ST3GAL3: variants seen among roughly 807,000 people sequenced by gnomAD.
ST3GAL3 encodes ST3 beta-galactoside alpha-2,3-sialyltransferase 3, also known as CMP-N-acetylneuraminate-beta-1,4-galactoside alpha-2,3-sialyltransferase.
A neutral mutation model predicts 50.1 loss-of-function variants in ST3GAL3; 21 were observed. That is an observed-to-expected ratio of 0.42 (90% CI 0.30 to 0.60). ST3GAL3 has a LOEUF of 0.60. ST3GAL3 is among the 20% of genes least tolerant of loss of function. The pLI is 0.19. For synonymous variants in ST3GAL3, 183 were observed against 190.0 expected, an observed-to-expected ratio of 0.96 and a Z score of 0.30; for missense variants, 353 against 489.4, an observed-to-expected ratio of 0.72 and a Z score of 2.63.
chr1:43,838,235 A>G lies in ST3GAL3; in HGVS notation c.226A>G (p.Thr76Ala). ...TTCCCATAGGCCTGCTGAATTAGCCACCAAGTACGCAAACTTTTCAGAGGG... is the reference window on the plus strand; with the variant it reads ...TTCCCATAGGCCTGCTGAATTAGCCGCCAAGTACGCAAACTTTTCAGAGGG... ...LDSKLPAELA[T>A]KYANFSEGAC... The change falls in exon 5 of 12, where the codon ACC (threonine) becomes GCC (alanine). Residue 76 changes from threonine (T) to alanine (A), a missense_variant. Physicochemically the swap from Thr to Ala is moderately conservative, Grantham distance 58. Transcript: ENST00000347631. 1 of 1,612,770 alleles carries G rather than the reference A, an allele frequency of 6.2e-7. No homozygotes were observed. The highest frequency in any genetic ancestry group is 8.5e-7 in the Non-Finnish European group (1 of 1,179,338).
chr1:43,762,362 C>G (rs1171985194), intron 2 of ST3GAL3, among the ~76,000 whole-genome samples: 1 of 151,892 alleles, frequency 6.6e-6, no homozygotes, highest in African/African-American at 2.4e-5. Flanking sequence ...TATTTAGTCT[C>G]TGATGTTTTA....
rs184396803 is a variant in ST3GAL3, at chr1:43,823,099, C to T, written c.209+8166C>T. Among the ~76,000 whole-genome samples, 208 of 152,240 alleles carry T rather than the reference C, an allele frequency of 1.4e-3. 1 individual carries two copies. Among genetic ancestry groups the T allele is most frequent in the Middle Eastern group, 0.014 (4 of 294 alleles). On this transcript the variant is annotated intron_variant, in intron 4 of 11. Coordinates refer to ENST00000347631, the MANE Select transcript of ST3GAL3 (RefSeq NM_006279.5). ...CCTCTGTATCATCACTCTGTCCAAA[C>T]CACCATCTCTCACCTAATTTTTGCA...
chr1:43,843,881 A>G (rs2065816895), intron 5 of ST3GAL3, among the ~76,000 whole-genome samples: 1 of 152,198 alleles, frequency 6.6e-6, no homozygotes, highest in African/African-American at 2.4e-5. Context: ...CAGATCCCAC[A>G]GGTTGACGGC....
At chr1:43,761,827 T>A (rs948765456) in intron 2 of ST3GAL3, among the ~76,000 whole-genome samples, 1 of 151,212 alleles carries the variant, frequency 6.6e-6, no homozygotes, top group African/African-American at 2.4e-5. Flanking sequence ...GGTGGGCGCC[T>A]GTAGTCCCAG....
At chr1:43,898,440 T>A in intron 7 of ST3GAL3, 142 bp downstream of exon 7, 3 of 869,574 alleles carry the variant, frequency 3.4e-6, no homozygotes, top group Non-Finnish European at 5.6e-6. Flanking sequence ...ACAGGGTGGG[T>A]GGAGCAGGTA....
At chr1:43,917,691 CAG>C (rs2082306333) in intron 9 of ST3GAL3, among the ~76,000 whole-genome samples, 3 of 114,948 alleles carry the variant, frequency 2.6e-5, no homozygotes, top group Admixed American at 1.2e-4. Context: ...ATATTTTAAA[CAG>C]AGTCTCACTC....
At chr1:43,733,252 C>T (rs189069880) in intron 1 of ST3GAL3, among the ~76,000 whole-genome samples, 6 of 152,294 alleles carry the variant, frequency 3.9e-5, no homozygotes, top group Admixed American at 2.6e-4. Flanking sequence ...CCTCCTACTT[C>T]GGCCTCTCAG....
intron 5 of ST3GAL3, among the ~76,000 whole-genome samples, chr1:43,893,234 G>A (rs1422655330): frequency 1.3e-5 from 2 of 152,224 alleles, no homozygotes; most frequent in African/African-American, 4.8e-5. Flanking sequence ...TCTGGGCTTG[G>A]AGGGCCACCC....
At chr1:43,878,728 G>A (rs1225748906) in intron 5 of ST3GAL3, among the ~76,000 whole-genome samples, 1 of 152,166 alleles carries the variant, frequency 6.6e-6, no homozygotes, top group East Asian at 1.9e-4. Flanking sequence ...TTGCCCATGT[G>A]GAAATATTGA....
chr1:43,816,372 G>A (rs568888613), intron 4 of ST3GAL3, among the ~76,000 whole-genome samples: 1 of 152,270 alleles, frequency 6.6e-6, no homozygotes, highest in East Asian at 1.9e-4. Flanking sequence ...CAACTATGAA[G>A]GAAAAAGTGT....
At chr1:43,780,736 A>G (rs1169598473) in intron 2 of ST3GAL3, among the ~76,000 whole-genome samples, 1 of 151,756 alleles carries the variant, frequency 6.6e-6, no homozygotes, top group East Asian at 1.9e-4. Context: ...TCACCTCACC[A>G]AATATATTTT....
chr1:43,788,481 C>CTT (rs888207961), intron 2 of ST3GAL3, among the ~76,000 whole-genome samples: 1 of 152,260 alleles, frequency 6.6e-6, no homozygotes, highest in South Asian at 2.1e-4. Flanking sequence ...TGCGGAGACT[C>CTT]TTTGTGTGAG....
intron 1 of ST3GAL3, chr1:43,719,223 T>C (rs1441511728): frequency 6.6e-6 from 1 of 152,206 alleles, no homozygotes; most frequent in Non-Finnish European, 1.5e-5. Flanking sequence ...GGCGTAATGC[T>C]AGATTGGCTA....
At chr1:43,752,694 G>T (rs1220079244) in intron 2 of ST3GAL3, among the ~76,000 whole-genome samples, 2 of 152,176 alleles carry the variant, frequency 1.3e-5, no homozygotes, top group Non-Finnish European at 2.9e-5. Context: ...GTAGGAGTGG[G>T]TCTCACCATG....
intron 4 of ST3GAL3, among the ~76,000 whole-genome samples, chr1:43,829,765 G>A (rs1487539496): frequency 3.3e-5 from 5 of 152,004 alleles, no homozygotes; most frequent in African/African-American, 9.7e-5. Context: ...TAAATTGTCT[G>A]CCTCCTCCAT....
In ST3GAL3 at chr1:43,818,975, TTCTG is replaced by T. The variant is rs2061745642; in HGVS notation, c.209+4045_209+4048del. On this transcript the variant is annotated intron_variant, in intron 4 of 11. Coordinates refer to ENST00000347631, the MANE Select transcript of ST3GAL3 (RefSeq NM_006279.5). ...ATTTTAGGATTTGGGGCCTTATTTT[TTCTG>T]TCACAGCTACTCAGCTTTGCTGTTT... The T allele has an allele frequency of 2.0e-5, 3 of 152,356 alleles. No individual in the cohort carries two copies. The South Asian group carries it at 6.2e-4, about 32-fold the overall frequency. 9.4% of individuals were successfully genotyped at this position (152,356 alleles called of 1,614,324 possible). A position where few individuals can be genotyped will look rare whatever the true frequency, so the allele number is the denominator to read the frequency against.
intron 3 of ST3GAL3, among the ~76,000 whole-genome samples, chr1:43,811,341 A>C (rs2060534506): frequency 6.6e-6 from 1 of 152,078 alleles, no homozygotes; most frequent in Non-Finnish European, 1.5e-5. Context: ...AGAGACCTAG[A>C]GTGTTTGCAC....
intron 5 of ST3GAL3, chr1:43,858,227 G>T: frequency 7.8e-7 from 1 of 1,289,384 alleles, no homozygotes; most frequent in Non-Finnish European, 1.0e-6. Context: ...ACACAGAGAA[G>T]GCCCTTCAGC....
intron 5 of ST3GAL3, among the ~76,000 whole-genome samples, chr1:43,870,962 C>T (rs1178668354): frequency 6.6e-6 from 1 of 152,138 alleles, no homozygotes; most frequent in Non-Finnish European, 1.5e-5. Context: ...CCTCCCAGTA[C>T]CGAGGTAAGG....
Sources: gnomAD v4.1 joint callset for allele counts (sites outside exome capture counted in the v4.1 genomes callset) on GRCh38, gnomAD v4.1.1 for gene constraint, MANE v1.5 for transcripts, NCBI Gene and HGNC (gene_info 2026-07-23, HGNC 2026-07-21) for gene names.